ENTPD3: variants seen among roughly 807,000 people sequenced by gnomAD.
ENTPD3 encodes the protein CD39 antigen-like 3.
In ENTPD3, 60 loss-of-function variants were observed where a neutral mutation model predicts 51.2. The ratio of observed to expected loss-of-function variants is 1.17; its 90% CI spans 0.95 to 1.45. The LOEUF is 1.45. ENTPD3 is among the 40% of genes most tolerant of loss of function. The pLI, the probability that ENTPD3 is intolerant of heterozygous loss-of-function variation, is 0.00. For synonymous variants in ENTPD3, 221 were observed against 238.4 expected (o/e 0.93, Z 0.67); for missense variants, 593 against 641.1 (o/e 0.93, Z 0.81).
chr3:40,413,571 T>C (rs1427453852), intron 5 of ENTPD3, among the ~76,000 whole-genome samples: 1 of 152,090 alleles, frequency 6.6e-6, no homozygotes, highest in East Asian at 1.9e-4. Flanking sequence ...ACAAAACAGC[T>C]CTTAAGAAAC....
rs753848660 is a variant in ENTPD3 at position 40,400,985 on chromosome 3, G to A, written c.260G>A (p.Ser87Asn). 8 of 1,613,736 alleles carry A rather than the reference G, an allele frequency of 5.0e-6. No individual in the cohort carries two copies. Among genetic ancestry groups the A allele is most frequent in the Admixed American group, 1.7e-5 (1 of 60,022 alleles). ...AAAGAGAATAATACCGGAGTGGTCA[G>A]TCAAACCTTCAAATGTAGTGTGAAA... Reference protein sequence around the residue: ...AEKENNTGVVSQTFKCSVKGS... With the variant: ...AEKENNTGVVNQTFKCSVKGS... Residue 87 changes from serine (S) to asparagine (N), a missense_variant, in exon 4 of 11, where the codon AGT becomes AAT. Physicochemically the swap from Ser to Asn is conservative, Grantham distance 46 (BLOSUM62 1). Coordinates refer to ENST00000301825, the MANE Select transcript of ENTPD3 (RefSeq NM_001248.4).
intron 5 of ENTPD3, among the ~76,000 whole-genome samples, chr3:40,414,301 C>G (rs1955694804): frequency 6.6e-6 from 1 of 152,126 alleles, no homozygotes; most frequent in Non-Finnish European, 1.5e-5. Flanking sequence ...ATGGTGCCTC[C>G]AAGAGATTAT....
chr3:40,416,257 C>T (rs544533694), intron 7 of ENTPD3, among the ~76,000 whole-genome samples, 184 bp downstream of exon 7: 19 of 152,242 alleles, frequency 1.2e-4, no homozygotes, highest in African/African-American at 2.6e-4. Flanking sequence ...TCTTCCCCTC[C>T]GTCTCCCTCT....
chr3:40,394,613 T>A lies in ENTPD3; in HGVS notation c.168+2463T>A, dbSNP rs537946157. Among the ~76,000 whole-genome samples the A allele has an allele frequency of 2.7e-4, 41 of 152,270 alleles. No individual in the cohort carries two copies. The South Asian group carries it at 7.9e-3, about 29-fold the overall frequency. On this transcript the variant is annotated intron_variant, in intron 3 of 10. Transcript: ENST00000301825. ...TGACAGGTCCAGAACTGAAACCTGG[T>A]CCCTTCTGTTCCCAAGGCCAGGGCT... is the stretch of plus-strand genomic sequence containing the variant.
At chr3:40,404,605 T>C (rs1473001560) in intron 4 of ENTPD3, among the ~76,000 whole-genome samples, 1 of 152,198 alleles carries the variant, frequency 6.6e-6, no homozygotes, top group East Asian at 1.9e-4. Context: ...GGCCACAGCA[T>C]ATCCATAAAT....
intron 5 of ENTPD3, among the ~76,000 whole-genome samples, chr3:40,414,197 A>G (rs1174368514): frequency 6.6e-6 from 1 of 152,176 alleles, no homozygotes; most frequent in Non-Finnish European, 1.5e-5. Context: ...GCCCTCCCAA[A>G]GAGTGAAGCA....
chr3:40,417,136 C>T (rs1159104191), intron 7 of ENTPD3, among the ~76,000 whole-genome samples: 2 of 152,110 alleles, frequency 1.3e-5, no homozygotes, highest in Non-Finnish European at 2.9e-5. Flanking sequence ...AGGACACATG[C>T]ATGGGACATT....
intron 3 of ENTPD3, chr3:40,394,362 T>C (rs1408733954): frequency 3.3e-6 from 1 of 301,830 alleles, no homozygotes; most frequent in Non-Finnish European, 6.8e-6. Flanking sequence ...CCTCAGGTGA[T>C]CCACCCACCT....
chr3:40,391,995 A>T, intron 2 of ENTPD3, 28 bp from the exon 3 acceptor site: 1 of 1,613,354 alleles, frequency 6.2e-7, no homozygotes, highest in Non-Finnish European at 8.5e-7. Flanking sequence ...CCTCCCCCTC[A>T]AGTGTCTTCT....
rs576559956 is a variant in ENTPD3 at position 40,403,237 on chromosome 3, T to C, written c.286+2226T>C. The stretch of plus-strand genomic sequence containing the variant: ...CGAGGAGGGCAGCCAGGAGCTTGCC[T>C]ACCCTGATGCACAGGTGTTCCAGGT... On this transcript the variant is annotated intron_variant, in intron 4 of 10. Coordinates refer to ENST00000301825, the MANE Select transcript of ENTPD3 (RefSeq NM_001248.4). Among the ~76,000 whole-genome samples, 8 of 152,282 alleles carry C rather than the reference T, an allele frequency of 5.3e-5. No homozygotes were observed. In the South Asian group the frequency reaches 1.0e-3, roughly 20 times the overall value.
At chr3:40,412,310 T>C (rs971470843) in intron 5 of ENTPD3, among the ~76,000 whole-genome samples, 9 of 152,192 alleles carry the variant, frequency 5.9e-5, no homozygotes, top group African/African-American at 2.2e-4. Context: ...CCAGCTAAGT[T>C]TGGTAGTAAG....
intron 7 of ENTPD3, among the ~76,000 whole-genome samples, chr3:40,418,322 C>T (rs947586489): frequency 2.6e-5 from 4 of 152,208 alleles, no homozygotes; most frequent in Admixed American, 2.6e-4. Flanking sequence ...CCAACAGTTT[C>T]ATAGGTCAAA....
intron 10 of ENTPD3, among the ~76,000 whole-genome samples, chr3:40,425,633 A>T (rs1456530715): frequency 6.6e-6 from 1 of 152,038 alleles, no homozygotes; most frequent in East Asian, 1.9e-4. Context: ...GCTGTGGCTC[A>T]TGCCTGTAAT....
At chr3:40,398,399 G>A (rs983390031) in intron 3 of ENTPD3, among the ~76,000 whole-genome samples, 3 of 152,142 alleles carry the variant, frequency 2.0e-5, no homozygotes, top group Non-Finnish European at 4.4e-5. Context: ...GGGCTGGAGT[G>A]GTGGTGATCA....
intron 10 of ENTPD3, 33 bp from the exon 11 acceptor site, chr3:40,427,239 C>T: frequency 1.9e-6 from 3 of 1,549,120 alleles, no homozygotes; most frequent in Non-Finnish European, 2.7e-6. Flanking sequence ...TGAGCCTTGC[C>T]CTGAGCGCTG....
At chr3:40,420,207 A>G (rs1290931468) in intron 7 of ENTPD3, among the ~76,000 whole-genome samples, 2 of 151,798 alleles carry the variant, frequency 1.3e-5, no homozygotes, top group African/African-American at 4.8e-5. Flanking sequence ...TAGCCAATTG[A>G]TTAGTTTGAT....
Position 40,392,142 on chromosome 3 carries a change from G to C in ENTPD3, c.160G>C (p.Gly54Arg). 1 of 1,614,038 alleles carries C rather than the reference G, an allele frequency of 6.2e-7. No homozygotes were observed. Among genetic ancestry groups the C allele is most frequent in the South Asian group, 1.1e-5 (1 of 91,014 alleles). Reference protein sequence around the residue: ...QIHKQEVLPPGLKYGIVLDAG... With the variant: ...QIHKQEVLPPRLKYGIVLDAG... ...CCACAAGCAAGAGGTCCTCCCTCCAGGACTGAAGGTAAGTGTGAAGGGACT... is the reference window on the plus strand; with the variant it reads ...CCACAAGCAAGAGGTCCTCCCTCCACGACTGAAGGTAAGTGTGAAGGGACT... Residue 54 changes from glycine to arginine, a missense_variant, in exon 3 of 11, where the codon GGA (glycine) becomes CGA (arginine). By Grantham distance (125) the Gly-to-Arg change is moderately radical. Coordinates refer to ENST00000301825, the MANE Select transcript of ENTPD3 (RefSeq NM_001248.4).
intron 4 of ENTPD3, among the ~76,000 whole-genome samples, chr3:40,411,357 T>A (rs1955628397): frequency 6.6e-6 from 1 of 151,648 alleles, no homozygotes; most frequent in Admixed American, 6.6e-5. Context: ...GGTATAATAA[T>A]TCAACTGTAG....
chr3:40,397,987 G>C (rs775933951), intron 3 of ENTPD3, among the ~76,000 whole-genome samples: 21 of 152,138 alleles, frequency 1.4e-4, no homozygotes, highest in Non-Finnish European at 3.1e-4. Flanking sequence ...GAATCACACT[G>C]AGTTTCACTG....
Sources: gnomAD v4.1 joint callset for allele counts (sites outside exome capture counted in the v4.1 genomes callset) on GRCh38, gnomAD v4.1.1 for gene constraint, MANE v1.5 for transcripts, NCBI Gene and HGNC (gene_info 2026-07-23, HGNC 2026-07-21) for gene names.